The following MLLT3 variants were observed in gnomAD, a reference collection of about 807,000 sequenced individuals.
The protein encoded by MLLT3 is protein AF-9.
Under a neutral mutation model 53.2 loss-of-function variants are expected in MLLT3, and 4 were observed. That is an observed-to-expected ratio of 0.08 (90% CI 0.04 to 0.17). The LOEUF is 0.17. Among genes scored for constraint, MLLT3 ranks in the 10% least tolerant of loss-of-function variants. MLLT3 has a pLI of 1.00. For synonymous variants in MLLT3, 283 were observed against 230.6 expected (o/e 1.23, Z -2.06); for missense variants, 569 against 684.0 (o/e 0.83, Z 1.87).
intron 3 of MLLT3, among the ~76,000 whole-genome samples, chr9:20,452,509 C>T (rs907325014): frequency 6.6e-6 from 1 of 152,158 alleles, no homozygotes; most frequent in Non-Finnish European, 1.5e-5. Context: ...ATTACCCAGT[C>T]TCGGGTATTA....
chr9:20,483,757 G>C (rs1233431051), intron 2 of MLLT3, among the ~76,000 whole-genome samples: 1 of 136,184 alleles, frequency 7.3e-6, no homozygotes, highest in African/African-American at 2.8e-5. Flanking sequence ...ACCCAGGCTA[G>C]AGTGCAGTGG....
At chr9:20,472,341 A>G (rs1824415663) in intron 2 of MLLT3, among the ~76,000 whole-genome samples, 1 of 152,060 alleles carries the variant, frequency 6.6e-6, no homozygotes, top group South Asian at 2.1e-4. Context: ...CCTATTTTCA[A>G]CATATGTGTT....
intron 2 of MLLT3, among the ~76,000 whole-genome samples, chr9:20,463,922 G>C (rs974656428): frequency 6.6e-6 from 1 of 151,896 alleles, no homozygotes; most frequent in African/African-American, 2.4e-5. Flanking sequence ...TATTTGGTGG[G>C]AACATTTTCA....
intron 8 of MLLT3, among the ~76,000 whole-genome samples, chr9:20,359,537 AAG>A (rs1359459133): frequency 1.1e-4 from 16 of 152,250 alleles, no homozygotes; most frequent in African/African-American, 3.9e-4. Flanking sequence ...TGGTACAACA[AAG>A]AGTACTGGTA....
At chr9:20,427,727 G>C (rs1823171878) in intron 4 of MLLT3, among the ~76,000 whole-genome samples, 1 of 151,946 alleles carries the variant, frequency 6.6e-6, no homozygotes, top group African/African-American at 2.4e-5. Flanking sequence ...AAAAGAGCTA[G>C]TGGTACACTG....
At chr9:20,602,305 G>A (rs980441162) in intron 2 of MLLT3, among the ~76,000 whole-genome samples, 1 of 152,040 alleles carries the variant, frequency 6.6e-6, no homozygotes, top group Admixed American at 6.6e-5. Flanking sequence ...TGGAATGAAA[G>A]TTCAGCTTCT....
At chr9:20,391,218 C>G (rs975672502) in intron 5 of MLLT3, among the ~76,000 whole-genome samples, 2 of 152,130 alleles carry the variant, frequency 1.3e-5, no homozygotes, top group East Asian at 1.9e-4. Context: ...TGACATCAAT[C>G]AATCATTTTG....
intron 2 of MLLT3, among the ~76,000 whole-genome samples, chr9:20,594,027 G>C (rs910123486): frequency 3.4e-5 from 5 of 146,852 alleles, no homozygotes; most frequent in African/African-American, 1.3e-4. Context: ...TGCAACATCC[G>C]TCTCCTGGGT....
At position 20,508,170 on chromosome 9, in the gene MLLT3, T is replaced by G. The variant is rs566432447; in HGVS notation, c.194-51384A>C. Among the ~76,000 whole-genome samples, 4 of 152,320 alleles carry G rather than the reference T, an allele frequency of 2.6e-5. No homozygotes were observed. The South Asian group carries it at 8.3e-4, about 32-fold the overall frequency. ...TGCAACTTTCCCATCATAATGTTCT[T>G]ATTTATGGTCTCACAAAACTGCAGG... On this transcript the variant is annotated intron_variant, in intron 2 of 10. Coordinates refer to ENST00000380338, the MANE Select transcript of MLLT3 (RefSeq NM_004529.4).
intron 7 of MLLT3, chr9:20,362,912 T>C (rs1456103333): frequency 6.6e-6 from 1 of 152,180 alleles, no homozygotes; most frequent in African/African-American, 2.4e-5. Flanking sequence ...CAATTTCAAG[T>C]TGAGTATTAA....
intron 2 of MLLT3, among the ~76,000 whole-genome samples, chr9:20,475,213 CA>C (rs1280681573): frequency 6.6e-6 from 1 of 152,086 alleles, no homozygotes; most frequent in Non-Finnish European, 1.5e-5. Context: ...AACTCAAATA[CA>C]GCAGAAATGT....
chr9:20,445,437 T>C (rs559391979), intron 4 of MLLT3, among the ~76,000 whole-genome samples: 47 of 152,294 alleles, frequency 3.1e-4, no homozygotes, highest in African/African-American at 1.1e-3. Context: ...CAGAATGTTA[T>C]TGACCCCTCT....
At chr9:20,508,504 G>C (rs1825441208) in intron 2 of MLLT3, among the ~76,000 whole-genome samples, 1 of 152,168 alleles carries the variant, frequency 6.6e-6, no homozygotes, top group Admixed American at 6.5e-5. Context: ...AGTCATAACT[G>C]TAGGGAGGAA....
At chr9:20,451,515 T>G (rs1338544436) in intron 3 of MLLT3, among the ~76,000 whole-genome samples, 1 of 152,018 alleles carries the variant, frequency 6.6e-6, no homozygotes, top group African/African-American at 2.4e-5. Flanking sequence ...GAATCCTGAG[T>G]ATGATTTTTT....
chr9:20,493,249 T>C (rs1352343078), intron 2 of MLLT3, among the ~76,000 whole-genome samples: 1 of 152,002 alleles, frequency 6.6e-6, no homozygotes, highest in Non-Finnish European at 1.5e-5. Context: ...ACAACTCATA[T>C]TTCTCCAAAA....
intron 2 of MLLT3, among the ~76,000 whole-genome samples, chr9:20,506,079 C>CTT (rs367556007): frequency 1.2e-3 from 182 of 148,558 alleles, no homozygotes; most frequent in Middle Eastern, 7.0e-3. Flanking sequence ...TTTTTTCTCT[C>CTT]TTTTTTTTTT....
At chr9:20,452,317 G>C (rs1823860378) in intron 3 of MLLT3, among the ~76,000 whole-genome samples, 3 of 152,152 alleles carry the variant, frequency 2.0e-5, no homozygotes. Context: ...ATGATAGTAA[G>C]TGAGTTCTCA....
intron 5 of MLLT3, chr9:20,411,088 A>G (rs1822715587): frequency 6.6e-6 from 1 of 152,258 alleles, no homozygotes; most frequent in African/African-American, 2.4e-5. Context: ...AACTAGGACA[A>G]TGTGCACAGT....
intron 10 of MLLT3, among the ~76,000 whole-genome samples, chr9:20,352,821 T>C (rs1821065339): frequency 6.7e-6 from 1 of 149,474 alleles, no homozygotes; most frequent in South Asian, 2.1e-4. Flanking sequence ...AGCGAAACAA[T>C]CTACATGTCT....
Sources: allele counts gnomAD v4.1 joint callset (sites outside exome capture counted in the v4.1 genomes callset), GRCh38; gene constraint gnomAD v4.1.1; transcripts MANE v1.5; gene names NCBI Gene and HGNC (gene_info 2026-07-23, HGNC 2026-07-21).